RAB40C: variants seen among roughly 807,000 people sequenced by gnomAD.
RAB40C encodes RAB40C, member RAS oncogene family, also known as ras-related protein Rab-40C.
RAB40C carries 8 observed loss-of-function variants against 28.1 expected under a neutral mutation model. That is an observed-to-expected ratio of 0.28 (90% CI 0.17 to 0.51). The LOEUF (loss-of-function observed/expected upper bound fraction) is 0.51, where lower values mean the gene tolerates loss of function less well. Ranked by LOEUF, RAB40C falls within the 20% of genes least tolerant of loss-of-function variation. The pLI is 0.97. For missense variants in RAB40C, 288 were observed against 405.9 expected, an observed-to-expected ratio of 0.71 and a Z score of 2.50; for synonymous variants, 201 against 171.7, an observed-to-expected ratio of 1.17 and a Z score of -1.34.
At chr16:619,406 G>A (rs1249623047) in intron 3 of RAB40C, among the ~76,000 whole-genome samples, 1 of 152,184 alleles carries the variant, frequency 6.6e-6, no homozygotes, top group Non-Finnish European at 1.5e-5. Context: ...GGTATGGTGG[G>A]TGCGCTTGGC....
chr16:621,174 G>A (rs960877079), intron 3 of RAB40C, among the ~76,000 whole-genome samples: 7 of 152,208 alleles, frequency 4.6e-5, no homozygotes, highest in South Asian at 2.1e-4. Context: ...CTTGCCCCGG[G>A]AGAAGCACCT....
chr16:598,014 A>G lies in RAB40C; in HGVS notation c.142+7581A>G, dbSNP rs553208292. Among the ~76,000 whole-genome samples, 252 of 151,462 alleles carry G rather than the reference A, an allele frequency of 1.7e-3. 1 individual carries two copies. The highest frequency in any genetic ancestry group is 5.8e-3 in the African/African-American group (238 of 41,358). The stretch of plus-strand genomic sequence containing the variant: ...GTAATTCCAGCACTTTGGGAGGCCA[A>G]GGTGGGTGAATCACGAGGTCAAGAG... On this transcript the variant is annotated intron_variant, in intron 1 of 5. Transcript: ENST00000248139.
rs1260120477 is a variant in RAB40C, at chr16:628,124, G to C, written c.*502G>C. The C allele has an allele frequency of 6.5e-6, 1 of 153,344 alleles. No homozygotes were observed. The highest frequency in any genetic ancestry group is 1.5e-5 in the Non-Finnish European group (1 of 68,890). The allele number at this position is 153,344 out of a possible 1,614,324, so 9.5% of individuals were successfully genotyped here. ...GCTGCGAGTGGCGGGGCTGCCCAGA[G>C]GCCGGGGGAGCAGACAGGGCCGGTG... On this transcript the variant is annotated 3_prime_UTR_variant, in exon 6 of 6. Transcript: ENST00000248139.
intron 1 of RAB40C, among the ~76,000 whole-genome samples, chr16:616,018 G>A (rs1388971820): frequency 4.6e-5 from 7 of 152,148 alleles, no homozygotes. Context: ...AGCACTTTGG[G>A]AGGCTGAGGC....
chr16:615,980 G>C (rs1453539702), intron 1 of RAB40C, among the ~76,000 whole-genome samples: 1 of 151,856 alleles, frequency 6.6e-6, no homozygotes, highest in Non-Finnish European at 1.5e-5. Context: ...AAAAAAGGCC[G>C]GGTGCAGTGG....
rs981576876 is a variant in RAB40C at position 628,019 on chromosome 16, C to T, written c.*397C>T. ...TGGTGCACTGGTGACTTCATGGCCA[C>T]GCCAGCTGCGGGGACGCACTTGGGA... On this transcript the variant is annotated 3_prime_UTR_variant, in exon 6 of 6. Transcript: ENST00000248139. 5.4e-5 allele frequency: 10 copies of T among 184,876 alleles called. No individual in the cohort carries two copies. Among genetic ancestry groups the T allele is most frequent in the African/African-American group, 2.3e-4 (10 of 42,828 alleles). 11.5% of individuals were successfully genotyped at this position (184,876 alleles called of 1,614,324 possible). A position where few individuals can be genotyped will look rare whatever the true frequency, so the allele number is the denominator to read the frequency against.
intron 1 of RAB40C, among the ~76,000 whole-genome samples, chr16:615,283 G>A (rs1029535482): frequency 6.6e-6 from 1 of 152,188 alleles, no homozygotes; most frequent in Non-Finnish European, 1.5e-5. Context: ...GGGTGGAAGC[G>A]CTGATGCCTG....
chr16:598,743 A>T (rs763056441), intron 1 of RAB40C, among the ~76,000 whole-genome samples: 15 of 152,068 alleles, frequency 9.9e-5, no homozygotes, highest in Non-Finnish European at 1.9e-4. Context: ...CCTGTCTCAA[A>T]AAATAAAAAA....
At chr16:590,527 C>T in intron 1 of RAB40C, 94 bp downstream of exon 1, 1 of 1,354,206 alleles carries the variant, frequency 7.4e-7, no homozygotes, top group Non-Finnish European at 9.6e-7. Context: ...TTCCAAGCGC[C>T]GCCGAACGTT....
intron 1 of RAB40C, among the ~76,000 whole-genome samples, chr16:598,376 CAAA>C (rs59657468): frequency 8.3e-5 from 11 of 132,864 alleles, no homozygotes; most frequent in Admixed American, 2.3e-4. Context: ...GACTCCACCT[CAAA>C]AAAAAAAAAA....
At chr16:592,142 G>T (rs2036013391) in intron 1 of RAB40C, among the ~76,000 whole-genome samples, 1 of 152,246 alleles carries the variant, frequency 6.6e-6, no homozygotes, top group East Asian at 1.9e-4. Flanking sequence ...TGCCATCTAC[G>T]CTGGCGAACT....
chr16:622,374 C>T (rs1414229664), intron 3 of RAB40C, among the ~76,000 whole-genome samples: 1 of 152,132 alleles, frequency 6.6e-6, no homozygotes. Flanking sequence ...CCCCCTTGAC[C>T]CCGCCCGCGA....
At chr16:596,607 G>A (rs2036130788) in intron 1 of RAB40C, among the ~76,000 whole-genome samples, 1 of 152,268 alleles carries the variant, frequency 6.6e-6, no homozygotes, top group Admixed American at 6.5e-5. Context: ...CGGGGAGACT[G>A]CTTGTCAGGC....
chr16:611,687 A>G (rs1450994876), intron 1 of RAB40C, among the ~76,000 whole-genome samples: 1 of 123,004 alleles, frequency 8.1e-6, no homozygotes, highest in African/African-American at 3.3e-5. Flanking sequence ...TGGCCTGTAG[A>G]ATCAAGAGCA....
At chr16:621,972 G>C (rs529709453) in intron 3 of RAB40C, among the ~76,000 whole-genome samples, 1 of 152,206 alleles carries the variant, frequency 6.6e-6, no homozygotes, top group Non-Finnish European at 1.5e-5. Context: ...TTACATGTCA[G>C]TTGCTCCTGG....
intron 3 of RAB40C, among the ~76,000 whole-genome samples, chr16:622,553 G>A (rs2151079645): frequency 6.6e-6 from 1 of 152,340 alleles, no homozygotes; most frequent in South Asian, 2.1e-4. Flanking sequence ...CTGTCGCCAG[G>A]CTGGAGTGCC....
At chr16:619,038 G>C (rs539825604) in intron 3 of RAB40C, among the ~76,000 whole-genome samples, 2 of 122,558 alleles carry the variant, frequency 1.6e-5, no homozygotes, top group East Asian at 5.1e-4. Context: ...GGTGTACTTG[G>C]AGCTGTGTGT....
intron 1 of RAB40C, chr16:596,310 T>A (rs1359720772): frequency 2.2e-6 from 1 of 456,088 alleles, no homozygotes; most frequent in South Asian, 1.5e-5. Context: ...TCTTGTTCTA[T>A]TTGAAGATTG....
intron 1 of RAB40C, among the ~76,000 whole-genome samples, chr16:596,689 G>C (rs930818271): frequency 1.3e-5 from 2 of 152,228 alleles, no homozygotes; most frequent in Non-Finnish European, 2.9e-5. Context: ...GGGACCAGAA[G>C]TTACGAAGGC....
Sources: gnomAD v4.1 joint callset for allele counts (sites outside exome capture counted in the v4.1 genomes callset) on GRCh38, gnomAD v4.1.1 for gene constraint, MANE v1.5 for transcripts, NCBI Gene and HGNC (gene_info 2026-07-23, HGNC 2026-07-21) for gene names.